VAPB: variants seen among roughly 807,000 people sequenced by gnomAD.
The protein encoded by VAPB is vesicle-associated membrane protein-associated protein B/C.
Under a neutral mutation model 25.6 loss-of-function variants are expected in VAPB, and 7 were observed. The ratio of observed to expected loss-of-function variants is 0.27; its 90% CI spans 0.16 to 0.51. The LOEUF is 0.51. Among genes scored for constraint, VAPB ranks in the 20% least tolerant of loss-of-function variants. VAPB has a pLI of 0.97. For synonymous variants in VAPB, 112 were observed against 109.2 expected (o/e 1.03, Z -0.16); for missense variants, 266 against 301.3 (o/e 0.88, Z 0.87).
intron 2 of VAPB, among the ~76,000 whole-genome samples, chr20:58,423,680 A>G (rs1227131215): frequency 6.6e-6 from 1 of 152,190 alleles, no homozygotes; most frequent in African/African-American, 2.4e-5. Flanking sequence ...ACATTTATCC[A>G]TCAAGCACTG....
chr20:58,440,104 T>A (rs1989129032), intron 4 of VAPB: 1 of 152,180 alleles, frequency 6.6e-6, no homozygotes, highest in Admixed American at 6.5e-5. Flanking sequence ...TTTTCCCTCT[T>A]CCCAGTGTAC....
Position 58,444,586 on chromosome 20 carries a change from C to T in VAPB, c.*351C>T, listed in dbSNP as rs1488132917. The stretch of plus-strand genomic sequence containing the variant: ...TGGATTACCTCTCTTAAAATGACAC[C>T]CTTCCTCGCCTGTTGGTGCTGGCCC... On this transcript the variant is annotated 3_prime_UTR_variant, in exon 6 of 6. Coordinates refer to ENST00000475243, the MANE Select transcript of VAPB (RefSeq NM_004738.5). 1 of 460,874 alleles carries T rather than the reference C, an allele frequency of 2.2e-6. No homozygotes were observed. The highest frequency in any genetic ancestry group is 4.3e-6 in the Non-Finnish European group (1 of 231,508). 28.5% of individuals were successfully genotyped at this position (460,874 alleles called of 1,614,324 possible). A position where few individuals can be genotyped will look rare whatever the true frequency, so the allele number is the denominator to read the frequency against.
intron 2 of VAPB, among the ~76,000 whole-genome samples, chr20:58,421,263 C>G (rs554744159): frequency 1.3e-5 from 2 of 152,290 alleles, no homozygotes; most frequent in South Asian, 2.1e-4. Context: ...GAATCAACAG[C>G]ATGGTACAAG....
At chr20:58,406,950 T>C (rs1468000590) in intron 1 of VAPB, among the ~76,000 whole-genome samples, 2 of 152,224 alleles carry the variant, frequency 1.3e-5, no homozygotes, top group East Asian at 1.9e-4. Flanking sequence ...AATTTTGGTC[T>C]TTCAAGTAGA....
rs1313393416 is a variant in VAPB at position 58,445,111 on chromosome 20, T to C, written c.*876T>C. 2.2e-6 allele frequency: 1 copy of C among 454,492 alleles called. No individual in the cohort carries two copies. The highest frequency in any genetic ancestry group is 2.3e-5 in the Admixed American group (1 of 42,572). 28.2% of individuals were successfully genotyped at this position (454,492 alleles called of 1,614,324 possible). ...CATGTGGAGGTGGGGTTTATTGGGA[T>C]GCTGGAGAAGAGCTGCCAGGAAGTG... On this transcript the variant is annotated 3_prime_UTR_variant, in exon 6 of 6. Transcript: ENST00000475243.
chr20:58,407,529 G>C (rs903163264), intron 1 of VAPB, among the ~76,000 whole-genome samples: 6 of 152,140 alleles, frequency 3.9e-5, no homozygotes, highest in Non-Finnish European at 7.4e-5. Flanking sequence ...CCAGTATGGA[G>C]TAACTAAATG....
At position 58,426,665 on chromosome 20, in the gene VAPB, T is replaced by C. The variant is rs1483608316; in HGVS notation, c.212-7937T>C. Among the ~76,000 whole-genome samples, 3 of 152,178 alleles carry C rather than the reference T, an allele frequency of 2.0e-5. No individual in the cohort carries two copies. In the East Asian group the frequency reaches 5.8e-4, roughly 29 times the overall value. On this transcript the variant is annotated intron_variant, in intron 2 of 5. Transcript: ENST00000475243. ...CTTTTACTTAGGAAATAGTTACTCT[T>C]ATAGGAGGTTTTTGATCTGAGGAAT...
intron 1 of VAPB, among the ~76,000 whole-genome samples, chr20:58,416,810 C>T (rs1988550904): frequency 2.0e-5 from 3 of 151,788 alleles, no homozygotes; most frequent in Admixed American, 1.3e-4. Flanking sequence ...AGACACCAGC[C>T]TGAGGATCTT....
At chr20:58,399,592 T>C (rs544041252) in intron 1 of VAPB, among the ~76,000 whole-genome samples, 1 of 151,890 alleles carries the variant, frequency 6.6e-6, no homozygotes, top group Non-Finnish European at 1.5e-5. Flanking sequence ...GGTGTATGCC[T>C]GTAATCCCAG....
At chr20:58,409,331 G>C (rs1988317804) in intron 1 of VAPB, among the ~76,000 whole-genome samples, 1 of 152,214 alleles carries the variant, frequency 6.6e-6, no homozygotes, top group South Asian at 2.1e-4. Context: ...AATGTAAATA[G>C]ACTGTCAAAG....
intron 1 of VAPB, among the ~76,000 whole-genome samples, chr20:58,411,710 G>C (rs551628309): frequency 1.2e-3 from 189 of 151,514 alleles, no homozygotes; most frequent in South Asian, 0.011. Context: ...AGTCTCTTTC[G>C]CTCTGTCACC....
intron 1 of VAPB, among the ~76,000 whole-genome samples, chr20:58,400,081 G>A (rs185072455): frequency 1.2e-3 from 183 of 152,292 alleles, no homozygotes; most frequent in Middle Eastern, 0.01. Context: ...AGGCCTTTGC[G>A]AAGACTTTAC....
chr20:58,444,429 T>G lies in VAPB; in HGVS notation c.*194T>G. ...TATAATGTAACGATCTTTTAGAAAG[T>G]TAAAAATGTATAGTAACTGATTGAG... On this transcript the variant is annotated 3_prime_UTR_variant, in exon 6 of 6. Coordinates refer to ENST00000475243, the MANE Select transcript of VAPB (RefSeq NM_004738.5). 1 of 793,302 alleles carries G rather than the reference T, an allele frequency of 1.3e-6. No individual in the cohort carries two copies. Among genetic ancestry groups the G allele is most frequent in the Non-Finnish European group, 2.1e-6 (1 of 469,852 alleles). 49.1% of individuals were successfully genotyped at this position (793,302 alleles called of 1,614,324 possible).
chr20:58,448,236 C>T lies in VAPB; in HGVS notation c.*4001C>T, dbSNP rs950744879. The stretch of plus-strand genomic sequence containing the variant: ...TGACATACAAATCCCATAAGGCCAA[C>T]GACCACTCTTCTGGAACACCAAGAG... On this transcript the variant is annotated 3_prime_UTR_variant, in exon 6 of 6. Transcript: ENST00000475243. 13 of 453,922 alleles carry T rather than the reference C, an allele frequency of 2.9e-5. No individual in the cohort carries two copies. Among genetic ancestry groups the T allele is most frequent in the African/African-American group, 2.2e-4 (11 of 49,972 alleles). The allele number at this position is 453,922 out of a possible 1,614,324, so 28.1% of individuals were successfully genotyped here.
chr20:58,430,581 T>C (rs1988905412), intron 2 of VAPB, among the ~76,000 whole-genome samples: 1 of 151,784 alleles, frequency 6.6e-6, no homozygotes, highest in Admixed American at 6.6e-5. Context: ...TTTTTCTTTT[T>C]TTTTTTGTTT....
rs1189840971 is a variant in VAPB at position 58,447,317 on chromosome 20, T to A, written c.*3082T>A. ...GTAGGTGTGAGGAACTGGCTTTAAC[T>A]TTTTTCTCCTCCTAGTTTGCATGTT... On this transcript the variant is annotated 3_prime_UTR_variant, in exon 6 of 6. Transcript: ENST00000475243. 1 of 454,132 alleles carries A rather than the reference T, an allele frequency of 2.2e-6. No individual in the cohort carries two copies. Among genetic ancestry groups the A allele is most frequent in the South Asian group, 1.6e-5 (1 of 64,476 alleles). 28.1% of individuals were successfully genotyped at this position (454,132 alleles called of 1,614,324 possible).
chr20:58,413,944 T>A (rs1292493394), intron 1 of VAPB, among the ~76,000 whole-genome samples: 3 of 42,774 alleles, frequency 7.0e-5, no homozygotes, highest in East Asian at 1.6e-3. Context: ...GCTGGCCGGG[T>A]GGGGGGCTGA....
intron 2 of VAPB, chr20:58,430,992 TCAC>T (rs1206731626): frequency 6.6e-6 from 1 of 152,260 alleles, no homozygotes; most frequent in Non-Finnish European, 1.5e-5. Context: ...AAAACTGCTG[TCAC>T]CACAGATATG....
At position 58,445,517 on chromosome 20, in the gene VAPB, A is replaced by G. The variant is rs1802459; in HGVS notation, c.*1282A>G. 74,736 of 454,294 alleles carry G rather than the reference A, an allele frequency of 0.16. 7,150 individuals carry two copies. Among genetic ancestry groups the G allele is most frequent in the East Asian group, 0.31 (4,526 of 14,390 alleles). 28.1% of individuals were successfully genotyped at this position (454,294 alleles called of 1,614,324 possible). On this transcript the variant is annotated 3_prime_UTR_variant, in exon 6 of 6. Coordinates refer to ENST00000475243, the MANE Select transcript of VAPB (RefSeq NM_004738.5). ...TTCTGTTTGACTATGTAGCATCTTG[A>G]AAAGAAAAATTATAATAAAGCCCCA...
Sources: allele counts gnomAD v4.1 joint callset (sites outside exome capture counted in the v4.1 genomes callset), GRCh38; gene constraint gnomAD v4.1.1; transcripts MANE v1.5; gene names NCBI Gene and HGNC (gene_info 2026-07-23, HGNC 2026-07-21).